The following SCFD2 variants were observed in gnomAD, a reference collection of about 807,000 sequenced individuals.
SCFD2 encodes the protein sec1 family domain containing 2.
A neutral mutation model predicts 58.9 loss-of-function variants in SCFD2; 54 were observed. The ratio of observed to expected loss-of-function variants is 0.92; its 90% CI spans 0.74 to 1.15. SCFD2 has a LOEUF of 1.15. SCFD2 is among the 50% of genes most tolerant of loss of function. SCFD2 has a pLI of 0.00. For missense variants in SCFD2, 805 were observed against 836.6 expected, an observed-to-expected ratio of 0.96 and a Z score of 0.47; for synonymous variants, 321 against 335.9, an observed-to-expected ratio of 0.96 and a Z score of 0.49.
chr4:53,028,189 GT>G (rs1169767875), intron 5 of SCFD2, among the ~76,000 whole-genome samples: 3 of 152,100 alleles, frequency 2.0e-5, no homozygotes, highest in African/African-American at 7.2e-5. Flanking sequence ...GGAGGTTGCA[GT>G]GAGCAGAGAT....
intron 5 of SCFD2, among the ~76,000 whole-genome samples, chr4:52,935,779 A>G (rs1031221413): frequency 6.6e-6 from 1 of 152,200 alleles, no homozygotes; most frequent in Non-Finnish European, 1.5e-5. Context: ...GACCTGCCCA[A>G]TGCAAAACAA....
At chr4:53,131,396 A>C (rs1299993009) in intron 5 of SCFD2, among the ~76,000 whole-genome samples, 1 of 152,140 alleles carries the variant, frequency 6.6e-6, no homozygotes, top group African/African-American at 2.4e-5. Flanking sequence ...GTATCAAAGG[A>C]AATAGAAATG....
chr4:53,235,351 G>A (rs1221391809), intron 4 of SCFD2, among the ~76,000 whole-genome samples: 1 of 152,166 alleles, frequency 6.6e-6, no homozygotes, highest in Non-Finnish European at 1.5e-5. Context: ...ATCAATTTAT[G>A]GCAGGTACCA....
intron 4 of SCFD2, among the ~76,000 whole-genome samples, chr4:53,269,861 CA>C (rs1242888181): frequency 3.9e-5 from 6 of 151,962 alleles, no homozygotes; most frequent in African/African-American, 1.2e-4. Context: ...CCTATCTCTA[CA>C]AAAAAATACA....
chr4:53,083,949 C>A (rs1359127301), intron 5 of SCFD2, among the ~76,000 whole-genome samples: 3 of 152,060 alleles, frequency 2.0e-5, no homozygotes, highest in African/African-American at 4.8e-5. Flanking sequence ...TGATAAGGAT[C>A]CAAGAAAGAT....
At position 53,212,195 on chromosome 4, in the gene SCFD2, T is replaced by G. The variant is rs573166157; in HGVS notation, c.1311+61631A>C. On this transcript the variant is annotated intron_variant, in intron 4 of 8. Coordinates refer to ENST00000401642, the MANE Select transcript of SCFD2 (RefSeq NM_152540.4). ...AATAGAATCCACTGTTGGGAAAGCA[T>G]TCTCCACCCCTCAAAATCAAACGCT... Among the ~76,000 whole-genome samples, 7 of 152,148 alleles carry G rather than the reference T, an allele frequency of 4.6e-5. 1 individual carries two copies. Among genetic ancestry groups the G allele is most frequent in the African/African-American group, 1.4e-4 (6 of 41,442 alleles).
chr4:53,298,206 G>T (rs978103505), intron 3 of SCFD2, among the ~76,000 whole-genome samples: 3 of 152,154 alleles, frequency 2.0e-5, no homozygotes, highest in African/African-American at 7.2e-5. Context: ...TCAAAGAAAG[G>T]GGTGACAGAC....
At chr4:52,974,771 A>G (rs1223609485) in intron 5 of SCFD2, among the ~76,000 whole-genome samples, 1 of 151,996 alleles carries the variant, frequency 6.6e-6, no homozygotes, top group African/African-American at 2.4e-5. Context: ...TTCAAACTAT[A>G]CTACAAGGCT....
At chr4:53,361,729 G>A (rs764211841) in intron 1 of SCFD2, among the ~76,000 whole-genome samples, 1 of 152,278 alleles carries the variant, frequency 6.6e-6, no homozygotes, top group Non-Finnish European at 1.5e-5. Context: ...AATATGACTA[G>A]CTAATATCAT....
At chr4:53,015,845 T>A (rs1439723566) in intron 5 of SCFD2, among the ~76,000 whole-genome samples, 2 of 152,220 alleles carry the variant, frequency 1.3e-5, no homozygotes, top group African/African-American at 4.8e-5. Context: ...GCTTCTCTTA[T>A]TGTACAGTCT....
chr4:53,234,531 A>C (rs1560400783), intron 4 of SCFD2, among the ~76,000 whole-genome samples: 2 of 152,186 alleles, frequency 1.3e-5, no homozygotes, highest in Non-Finnish European at 2.9e-5. Flanking sequence ...ATGTCTGAGG[A>C]GCCAACATGT....
chr4:52,983,236 C>T (rs1299514415), intron 5 of SCFD2, among the ~76,000 whole-genome samples: 1 of 152,134 alleles, frequency 6.6e-6, no homozygotes, highest in African/African-American at 2.4e-5. Context: ...ATTCAGCGTT[C>T]AATGTATATA....
intron 5 of SCFD2, among the ~76,000 whole-genome samples, chr4:53,114,136 C>T (rs1725252845): frequency 1.3e-5 from 2 of 152,086 alleles, no homozygotes. Flanking sequence ...AATAATTGTA[C>T]ATATCTCATC....
intron 4 of SCFD2, among the ~76,000 whole-genome samples, chr4:53,269,175 AT>A (rs1396431709): frequency 6.6e-6 from 1 of 152,090 alleles, no homozygotes; most frequent in Non-Finnish European, 1.5e-5. Flanking sequence ...AAAAATAAAA[AT>A]GAGCCAGGAG....
intron 8 of SCFD2, among the ~76,000 whole-genome samples, chr4:52,880,195 C>T (rs1178575360): frequency 1.3e-5 from 2 of 152,160 alleles, no homozygotes; most frequent in East Asian, 1.9e-4. Context: ...TGTTGTCTCC[C>T]TGGGGCTTCC....
intron 5 of SCFD2, among the ~76,000 whole-genome samples, chr4:53,026,547 A>G (rs968707472): frequency 1.8e-4 from 28 of 152,326 alleles, no homozygotes; most frequent in African/African-American, 6.5e-4. Context: ...TATCAGAGCC[A>G]TGTTTGAAGA....
At chr4:53,256,455 G>A (rs908852863) in intron 4 of SCFD2, among the ~76,000 whole-genome samples, 2 of 151,758 alleles carry the variant, frequency 1.3e-5, no homozygotes, top group African/African-American at 2.4e-5. Context: ...AGGCAGAGAC[G>A]CTCCTCACTT....
intron 5 of SCFD2, among the ~76,000 whole-genome samples, chr4:53,103,446 C>T (rs1724887156): frequency 6.6e-6 from 1 of 151,852 alleles, no homozygotes; most frequent in African/African-American, 2.4e-5. Flanking sequence ...TAATGGATTA[C>T]AGCTGAAGAC....
At chr4:53,148,221 C>T (rs541968359) in intron 4 of SCFD2, among the ~76,000 whole-genome samples, 73 of 152,264 alleles carry the variant, frequency 4.8e-4, no homozygotes, top group African/African-American at 1.6e-3. Context: ...ATAGAATCAT[C>T]ATCATGATCA....
Sources: allele counts gnomAD v4.1 joint callset (sites outside exome capture counted in the v4.1 genomes callset), GRCh38; gene constraint gnomAD v4.1.1; transcripts MANE v1.5; gene names NCBI Gene and HGNC (gene_info 2026-07-23, HGNC 2026-07-21).